The following GRM5 variants were observed in gnomAD, a reference collection of about 807,000 sequenced individuals.
The protein encoded by GRM5 is metabotropic glutamate receptor 5.
Under a neutral mutation model 83.1 loss-of-function variants are expected in GRM5, and 19 were observed. The ratio of observed to expected loss-of-function variants is 0.23; its 90% confidence interval spans 0.16 to 0.34. GRM5 has a LOEUF of 0.34. Among genes scored for constraint, GRM5 ranks in the 10% least tolerant of loss-of-function variants. The pLI is 1.00. For missense variants in GRM5, 1,160 were observed against 1,588.3 expected (o/e 0.73, Z 4.58); for synonymous variants, 675 against 633.6 (o/e 1.07, Z -0.98).
At chr11:88,626,998 G>A (rs1156348745) in intron 4 of GRM5, among the ~76,000 whole-genome samples, 1 of 152,182 alleles carries the variant, frequency 6.6e-6, no homozygotes, top group Admixed American at 6.5e-5. Flanking sequence ...TTAAGCCACT[G>A]TGTCAATGTT....
At chr11:88,712,966 G>A (rs576088844) in intron 3 of GRM5, among the ~76,000 whole-genome samples, 8 of 151,952 alleles carry the variant, frequency 5.3e-5, no homozygotes, top group East Asian at 3.9e-4. Flanking sequence ...TGTTTCTTCC[G>A]TTTGGTCAAG....
At chr11:88,764,755 G>C (rs1942595409) in intron 3 of GRM5, among the ~76,000 whole-genome samples, 1 of 151,068 alleles carries the variant, frequency 6.6e-6, no homozygotes, top group African/African-American at 2.4e-5. Context: ...TAAAAAATTA[G>C]AAAAATTCAA....
intron 2 of GRM5, among the ~76,000 whole-genome samples, chr11:88,877,942 A>G (rs960592547): frequency 2.0e-5 from 3 of 152,148 alleles, no homozygotes; most frequent in Admixed American, 6.6e-5. Context: ...CCAGCATGGC[A>G]CATGTATACA....
chr11:88,667,981 G>A (rs1354309703), intron 3 of GRM5, among the ~76,000 whole-genome samples: 1 of 151,738 alleles, frequency 6.6e-6, no homozygotes, highest in African/African-American at 2.4e-5. Context: ...TGAACACTTG[G>A]CAACAATGAA....
chr11:88,921,623 C>G (rs1254425535), intron 2 of GRM5, among the ~76,000 whole-genome samples: 1 of 97,308 alleles, frequency 1.0e-5, no homozygotes, highest in Non-Finnish European at 2.3e-5. Context: ...GAGTGAGACT[C>G]CATTTAAAAA....
chr11:88,784,193 G>T (rs1413477257), intron 3 of GRM5, among the ~76,000 whole-genome samples: 2 of 152,076 alleles, frequency 1.3e-5, no homozygotes, highest in African/African-American at 4.8e-5. Flanking sequence ...TATCTTGTTT[G>T]TGTTAGGCAG....
chr11:89,009,923 A>C (rs1034168359), intron 2 of GRM5, among the ~76,000 whole-genome samples: 12 of 140,764 alleles, frequency 8.5e-5, no homozygotes, highest in South Asian at 2.2e-4. Context: ...AAAAAAAAAA[A>C]AAAAAAACAC....
chr11:88,850,835 A>C (rs1043718886), intron 2 of GRM5, among the ~76,000 whole-genome samples: 1 of 151,008 alleles, frequency 6.6e-6, no homozygotes, highest in Non-Finnish European at 1.5e-5. Context: ...CTTTTGCAAA[A>C]TTTGGGGACT....
chr11:88,796,732 C>A (rs1043276537), intron 3 of GRM5, among the ~76,000 whole-genome samples: 2 of 152,040 alleles, frequency 1.3e-5, no homozygotes, highest in African/African-American at 4.8e-5. Flanking sequence ...GATAAAAATG[C>A]TCTTGAGATC....
intron 2 of GRM5, among the ~76,000 whole-genome samples, chr11:89,030,349 G>T (rs1941233353): frequency 6.6e-6 from 1 of 151,950 alleles, no homozygotes; most frequent in Non-Finnish European, 1.5e-5. Flanking sequence ...GAGCTTTGTG[G>T]TAATCTCAAA....
At chr11:88,900,718 G>C (rs1374621287) in intron 2 of GRM5, among the ~76,000 whole-genome samples, 1 of 152,098 alleles carries the variant, frequency 6.6e-6, no homozygotes, top group Non-Finnish European at 1.5e-5. Flanking sequence ...CAGATGGCTA[G>C]GACTTAGTTT....
intron 2 of GRM5, among the ~76,000 whole-genome samples, chr11:89,041,007 T>A (rs1198545913): frequency 1.3e-5 from 2 of 152,224 alleles, no homozygotes; most frequent in African/African-American, 4.8e-5. Flanking sequence ...CAGCATGCCC[T>A]CTCATTCCCC....
chr11:88,786,123 C>T (rs1943063502), intron 3 of GRM5, among the ~76,000 whole-genome samples: 1 of 151,916 alleles, frequency 6.6e-6, no homozygotes, highest in Non-Finnish European at 1.5e-5. Context: ...GTCCCTAGTA[C>T]AAAGAGAATT....
chr11:89,049,600 T>C (rs1186792160), intron 1 of GRM5, among the ~76,000 whole-genome samples: 2 of 152,232 alleles, frequency 1.3e-5, no homozygotes, highest in South Asian at 2.1e-4. Context: ...TTGAATCATG[T>C]TTCTAATCAC....
chr11:88,991,903 A>C (rs1249633439), intron 2 of GRM5, among the ~76,000 whole-genome samples: 3 of 152,034 alleles, frequency 2.0e-5, no homozygotes, highest in Non-Finnish European at 2.9e-5. Flanking sequence ...CTAAAACCAT[A>C]AAAACCCTAG....
At chr11:88,986,913 C>T (rs1461316131) in intron 2 of GRM5, among the ~76,000 whole-genome samples, 1 of 151,954 alleles carries the variant, frequency 6.6e-6, no homozygotes, top group East Asian at 1.9e-4. Context: ...CCAGGCCTGG[C>T]ATGGTGGCTC....
chr11:88,748,709 A>AC (rs34583222), intron 3 of GRM5, among the ~76,000 whole-genome samples: 11 of 151,560 alleles, frequency 7.3e-5, no homozygotes, highest in African/African-American at 2.2e-4. Context: ...ACAGGTCAGT[A>AC]CCCCCCCAGG....
At chr11:88,841,376 T>A (rs1457065166) in intron 3 of GRM5, among the ~76,000 whole-genome samples, 1 of 152,192 alleles carries the variant, frequency 6.6e-6, no homozygotes, top group Non-Finnish European at 1.5e-5. Flanking sequence ...TAACACTAAA[T>A]TCTCCAGCTT....
chr11:89,030,011 C>T (rs983846423), intron 2 of GRM5, among the ~76,000 whole-genome samples: 3 of 152,086 alleles, frequency 2.0e-5, no homozygotes, highest in African/African-American at 7.2e-5. Context: ...TTCTGGGAGA[C>T]ATTGTCTCTC....
Sources: gnomAD v4.1 joint callset for allele counts (sites outside exome capture counted in the v4.1 genomes callset) on GRCh38, gnomAD v4.1.1 for gene constraint, MANE v1.5 for transcripts, NCBI Gene and HGNC (gene_info 2026-07-23, HGNC 2026-07-21) for gene names.